Variants in TRAPPC3L observed in about 807,000 individuals in gnomAD.
TRAPPC3L encodes trafficking protein particle complex subunit 3-like protein.
In TRAPPC3L, 23 loss-of-function variants were observed where a neutral mutation model predicts 23.7. That is an observed-to-expected ratio of 0.97 (90% confidence interval 0.70 to 1.37). The LOEUF (loss-of-function observed/expected upper bound fraction) is 1.37. TRAPPC3L is among the 40% of genes most tolerant of loss of function. The probability of loss-of-function intolerance (pLI) is 0.00; values close to 1 mark genes in which losing one functional copy is unlikely to be tolerated. For synonymous variants in TRAPPC3L, 81 were observed against 77.9 expected, an observed-to-expected ratio of 1.04 and a Z score of -0.21; for missense variants, 212 against 216.8, an observed-to-expected ratio of 0.98 and a Z score of 0.14.
chr6:116,497,330 T>C (rs1771847462), intron 4 of TRAPPC3L, among the ~76,000 whole-genome samples: 2 of 152,180 alleles, frequency 1.3e-5, no homozygotes. Context: ...CTGCCAAGCT[T>C]AGCTCAATGT....
intron 3 of TRAPPC3L, among the ~76,000 whole-genome samples, chr6:116,506,937 A>T (rs185048771): frequency 6.6e-6 from 1 of 152,264 alleles, no homozygotes; most frequent in Admixed American, 6.5e-5. Context: ...GGTGCACCAA[A>T]CCATCATGGC....
At chr6:116,543,645 T>C (rs1363502087) in intron 1 of TRAPPC3L, 1 of 676,718 alleles carries the variant, frequency 1.5e-6, no homozygotes, top group Non-Finnish European at 2.5e-6. Flanking sequence ...ATAACATCTT[T>C]CTATGCATTT....
Position 116,496,578 on chromosome 6 carries a change from T to C in TRAPPC3L, c.*376A>G, listed in dbSNP as rs986613819. The C allele has an allele frequency of 5.7e-6, 1 of 174,056 alleles. No individual in the cohort carries two copies. Among genetic ancestry groups the C allele is most frequent in the African/African-American group, 2.4e-5 (1 of 41,702 alleles). The allele number at this position is 174,056 out of a possible 1,614,324, so 10.8% of individuals were successfully genotyped here. A position where few individuals can be genotyped will look rare whatever the true frequency, so the allele number is the denominator to read the frequency against. On this transcript the variant is annotated 3_prime_UTR_variant, in exon 5 of 5. Coordinates refer to ENST00000368602, the MANE Select transcript of TRAPPC3L (RefSeq NM_001139444.3). ...ATAGGAAACTCTATGCTATATCATT[T>C]CATTCTTTTTTTTTCAGCAAAGAGA...
intron 1 of TRAPPC3L, chr6:116,543,907 G>A: frequency 7.5e-6 from 11 of 1,459,106 alleles, no homozygotes; most frequent in Non-Finnish European, 1.0e-5. Flanking sequence ...GAGAAAAAAG[G>A]GGAATGTGAT....
intron 2 of TRAPPC3L, 56 bp from the exon 3 acceptor site, chr6:116,540,518 T>C (rs1773384751): frequency 2.6e-6 from 4 of 1,513,090 alleles, no homozygotes; most frequent in South Asian, 2.4e-5. Context: ...GTGAAGTCTG[T>C]CAGTTTTTAA....
intron 3 of TRAPPC3L, among the ~76,000 whole-genome samples, chr6:116,510,471 A>G (rs568457058): frequency 3.3e-5 from 5 of 151,668 alleles, no homozygotes; most frequent in African/African-American, 1.2e-4. Context: ...ATTTTTTTGT[A>G]GAGAGGGAGA....
intron 3 of TRAPPC3L, among the ~76,000 whole-genome samples, chr6:116,510,178 G>A (rs1168144213): frequency 6.6e-6 from 1 of 152,116 alleles, no homozygotes; most frequent in African/African-American, 2.4e-5. Context: ...AATAACAATA[G>A]ATATTGGTAT....
chr6:116,516,792 AT>A (rs768748792), intron 3 of TRAPPC3L: 14 of 150,608 alleles, frequency 9.3e-5, no homozygotes, highest in Non-Finnish European at 2.1e-4. Context: ...AAGTTTATGT[AT>A]TTTCTTCTGA....
At position 116,545,550 on chromosome 6, in the gene TRAPPC3L, C is replaced by A; in HGVS notation, c.-36G>T. 2 of 1,536,970 alleles carry A rather than the reference C, an allele frequency of 1.3e-6. No homozygotes were observed. The highest frequency in any genetic ancestry group is 1.8e-6 in the Non-Finnish European group (2 of 1,136,888). ...AGATGAAGAATATGATCTTCAATTT[C>A]TCTTCTTTTGCCTGTTTCTTAGAGG... On this transcript the variant is annotated 5_prime_UTR_variant, in exon 1 of 5. Coordinates refer to ENST00000368602, the MANE Select transcript of TRAPPC3L (RefSeq NM_001139444.3).
chr6:116,515,569 C>G, intron 3 of TRAPPC3L: 1 of 1,574,180 alleles, frequency 6.4e-7, no homozygotes, highest in East Asian at 2.2e-5. Context: ...TTTGCTTTCA[C>G]GTGTGTACTC....
chr6:116,520,269 C>T (rs1208185743), intron 3 of TRAPPC3L: 1 of 152,158 alleles, frequency 6.6e-6, no homozygotes, highest in Non-Finnish European at 1.5e-5. Context: ...TGATATATTT[C>T]AAGTACTTCA....
chr6:116,537,760 C>T (rs1341988535), intron 3 of TRAPPC3L, among the ~76,000 whole-genome samples: 1 of 152,198 alleles, frequency 6.6e-6, no homozygotes, highest in Non-Finnish European at 1.5e-5. Context: ...GGGGCCTGAA[C>T]AAAAGTCTGC....
intron 2 of TRAPPC3L, among the ~76,000 whole-genome samples, chr6:116,541,885 T>C (rs1392427486): frequency 6.6e-6 from 1 of 152,170 alleles, no homozygotes; most frequent in African/African-American, 2.4e-5. Context: ...AAATTAAAAA[T>C]GTAAGAGGCT....
intron 4 of TRAPPC3L, among the ~76,000 whole-genome samples, chr6:116,498,403 A>G (rs143555215): frequency 3.3e-5 from 5 of 152,238 alleles, no homozygotes; most frequent in South Asian, 2.1e-4. Flanking sequence ...CATTATTTCT[A>G]TTGTTTTATG....
At chr6:116,515,044 T>C (rs904948974) in intron 3 of TRAPPC3L, among the ~76,000 whole-genome samples, 1 of 152,214 alleles carries the variant, frequency 6.6e-6, no homozygotes, top group African/African-American at 2.4e-5. Flanking sequence ...AGACAAATCA[T>C]TTTCAAGGTT....
At position 116,514,131 on chromosome 6, in the gene TRAPPC3L, AC is replaced by A. The variant is rs367637055; in HGVS notation, c.241-13466del. 4.1e-3 allele frequency among the ~76,000 whole-genome samples: 624 copies of A among 152,158 alleles called. 5 individuals carry two copies. Among genetic ancestry groups the A allele is most frequent in the African/African-American group, 0.014 (584 of 41,560 alleles). On this transcript the variant is annotated intron_variant, in intron 3 of 4. Transcript: ENST00000368602. ...TTTGAGGGCTGGTATGGAAGCATCC[AC>A]CAAGCTCTAGTTTGACTCTGGGTAC... is the stretch of plus-strand genomic sequence containing the variant.
chr6:116,499,581 T>C (rs549529511), intron 4 of TRAPPC3L, among the ~76,000 whole-genome samples: 2 of 152,354 alleles, frequency 1.3e-5, no homozygotes, highest in South Asian at 4.1e-4. Context: ...ACAATCTGTC[T>C]CCCAATTTAT....
chr6:116,529,433 G>T (rs1433727587), intron 3 of TRAPPC3L, among the ~76,000 whole-genome samples: 1 of 152,136 alleles, frequency 6.6e-6, no homozygotes, highest in Non-Finnish European at 1.5e-5. Flanking sequence ...GGAAATATGG[G>T]GTAGCCTCCA....
chr6:116,516,241 A>G (rs949132007), intron 3 of TRAPPC3L: 4 of 361,936 alleles, frequency 1.1e-5, no homozygotes, highest in East Asian at 4.3e-5. Flanking sequence ...TGTTGCTCCA[A>G]GATCTAAGAT....
Sources: allele counts gnomAD v4.1 joint callset (sites outside exome capture counted in the v4.1 genomes callset), GRCh38; gene constraint gnomAD v4.1.1; transcripts MANE v1.5; gene names NCBI Gene and HGNC (gene_info 2026-07-23, HGNC 2026-07-21).